Variants in TBPL2 observed in about 807,000 individuals in gnomAD.
TBPL2 encodes the protein TATA-box binding protein like 2.
Under a neutral mutation model 38.2 loss-of-function variants are expected in TBPL2, and 40 were observed. The observed-to-expected ratio is 1.05, with a 90% CI of 0.81 to 1.36. The LOEUF (loss-of-function observed/expected upper bound fraction) is 1.36. Ranked by LOEUF, TBPL2 falls within the 40% of genes most tolerant of loss-of-function variation. The pLI is 0.00. For missense variants in TBPL2, 461 were observed against 456.7 expected (o/e 1.01, Z -0.09); for synonymous variants, 169 against 171.7 (o/e 0.98, Z 0.12).
intron 1 of TBPL2, among the ~76,000 whole-genome samples, chr14:55,439,618 C>CCCCCCCCCCCCCCCCCT (rs1555344751): frequency 1.7e-5 from 1 of 60,240 alleles, no homozygotes; most frequent in Non-Finnish European, 3.2e-5. Flanking sequence ...AAGCAAACCC[C>CCCCCCCCCCCCCCCCCT]CCCCCGTCTC....
chr14:55,437,503 C>T (rs916027044), intron 1 of TBPL2, among the ~76,000 whole-genome samples: 6 of 152,182 alleles, frequency 3.9e-5, no homozygotes, highest in African/African-American at 1.2e-4. Context: ...ACAGTTACAG[C>T]ACACTTAATG....
At chr14:55,433,635 G>T in exon 4 of TBPL2, 3 of 1,613,794 alleles carry the variant, frequency 1.9e-6, no homozygotes, top group Non-Finnish European at 1.7e-6. Flanking sequence ...CATACCTTTT[G>T]GCTCCCGTGC....
Position 55,436,560 on chromosome 14 carries a change from CT to C in TBPL2, c.608del (p.Gln203ArgfsTer3), listed in dbSNP as rs1247343180. 1 of 1,611,946 alleles carries C rather than the reference CT, an allele frequency of 6.2e-7. No individual in the cohort carries two copies. The highest frequency in any genetic ancestry group is 1.3e-5 in the African/African-American group (1 of 74,870). ...CAATTAAAACAAAAATAAAAACTTACTGTAGTTGAGGTACAATTCCACAACA... is the reference window on the plus strand; with the variant it reads ...CAATTAAAACAAAAATAAAAACTTACGTAGTTGAGGTACAATTCCACAACA... On this transcript the variant is annotated frameshift_variant and splice_region_variant, in exon 2 of 7. Coordinates refer to ENST00000247219, the Ensembl canonical transcript of TBPL2. LOFTEE classifies it high-confidence loss of function.
intron 6 of TBPL2, among the ~76,000 whole-genome samples, chr14:55,420,866 T>C (rs1885731529): frequency 6.6e-6 from 1 of 152,058 alleles, no homozygotes. Context: ...GAGACCATCC[T>C]GGCCAACACG....
At chr14:55,419,040 C>A (rs371330531) in intron 6 of TBPL2, among the ~76,000 whole-genome samples, 1 of 152,244 alleles carries the variant, frequency 6.6e-6, no homozygotes, top group East Asian at 1.9e-4. Context: ...CTTTTAGCCA[C>A]TACACCTGCT....
At chr14:55,431,351 G>A (rs1442873788) in intron 4 of TBPL2, among the ~76,000 whole-genome samples, 1 of 152,186 alleles carries the variant, frequency 6.6e-6, no homozygotes, top group African/African-American at 2.4e-5. Flanking sequence ...TGTAATATGT[G>A]TAACATGAGC....
At chr14:55,414,646 A>C (rs947951111) in intron 6 of TBPL2, among the ~76,000 whole-genome samples, 191 bp from the exon 7 acceptor site, 1 of 152,240 alleles carries the variant, frequency 6.6e-6, no homozygotes, top group Non-Finnish European at 1.5e-5. Flanking sequence ...CAGAAACCTT[A>C]GAGCAGAGTT....
At chr14:55,418,389 GT>G (rs1311439089) in intron 6 of TBPL2, among the ~76,000 whole-genome samples, 3 of 152,178 alleles carry the variant, frequency 2.0e-5, no homozygotes, top group Non-Finnish European at 4.4e-5. Context: ...TTCCAGTTCT[GT>G]TCTTACATCA....
At chr14:55,420,511 A>T (rs768802550) in intron 6 of TBPL2, among the ~76,000 whole-genome samples, 1 of 125,026 alleles carries the variant, frequency 8.0e-6, no homozygotes, top group African/African-American at 2.9e-5. Context: ...ACGCCAAGAG[A>T]TGATAATTAT....
intron 2 of TBPL2, among the ~76,000 whole-genome samples, chr14:55,436,141 C>T (rs1886009327): frequency 6.6e-6 from 1 of 152,208 alleles, no homozygotes; most frequent in Admixed American, 6.5e-5. Context: ...AATTTCATGA[C>T]TAGCTGCTAA....
chr14:55,440,553 C>G, exon 1 of TBPL2: 2 of 1,585,122 alleles, frequency 1.3e-6, no homozygotes, highest in Non-Finnish European at 1.7e-6. Context: ...CATTTATGAG[C>G]CTGGGGGCAG....
At chr14:55,416,040 T>A (rs925042909) in intron 6 of TBPL2, among the ~76,000 whole-genome samples, 3 of 152,000 alleles carry the variant, frequency 2.0e-5, no homozygotes, top group Non-Finnish European at 4.4e-5. Flanking sequence ...AAGAGTTAAA[T>A]CCATGGAGAC....
chr14:55,415,113 C>T lies in TBPL2; in HGVS notation c.1052-658G>A, dbSNP rs535156444. 8.5e-5 allele frequency among the ~76,000 whole-genome samples: 13 copies of T among 152,312 alleles called. No individual in the cohort carries two copies. In the South Asian group the frequency reaches 2.7e-3, roughly 32 times the overall value. On this transcript the variant is annotated intron_variant, in intron 6 of 6. Transcript: ENST00000247219. The stretch of plus-strand genomic sequence containing the variant: ...ATCTCTCACCAACAACCAAACACCA[C>T]CATTACCTCCAGCTTCCAAATTATG...
In TBPL2 at chr14:55,423,835, G is replaced by C. The variant is rs1885780362; in HGVS notation, c.1051+324C>G. Among the ~76,000 whole-genome samples, 6 of 152,174 alleles carry C rather than the reference G, an allele frequency of 3.9e-5. No individual in the cohort carries two copies. In the South Asian group the frequency reaches 1.2e-3, roughly 31 times the overall value. On this transcript the variant is annotated intron_variant, in intron 6 of 6. Transcript: ENST00000247219. ...CAGAAAAGAGTTTGTTAACCCCTGT[G>C]TTAGGACCTTGTGTGGCCATTAAAA...
At chr14:55,417,949 C>A (rs1037147528) in intron 6 of TBPL2, among the ~76,000 whole-genome samples, 2 of 152,152 alleles carry the variant, frequency 1.3e-5, no homozygotes, top group African/African-American at 4.8e-5. Flanking sequence ...AATTACTTAA[C>A]CACTTTCAGT....
intron 5 of TBPL2, among the ~76,000 whole-genome samples, chr14:55,427,557 G>T (rs1213433906): frequency 1.3e-5 from 2 of 152,106 alleles, no homozygotes; most frequent in Non-Finnish European, 2.9e-5. Flanking sequence ...TTCAGTTCCA[G>T]CTTGGCCAAG....
chr14:55,426,204 G>A (rs894060202), intron 5 of TBPL2, among the ~76,000 whole-genome samples: 1 of 151,508 alleles, frequency 6.6e-6, no homozygotes, highest in Admixed American at 6.6e-5. Context: ...GGGGGTGGAG[G>A]TTGCAGTGAG....
chr14:55,431,605 G>A (rs1243286405), intron 4 of TBPL2, among the ~76,000 whole-genome samples: 1 of 152,180 alleles, frequency 6.6e-6, no homozygotes, highest in Non-Finnish European at 1.5e-5. Flanking sequence ...TTAAAATGGA[G>A]ATTCCTGGGA....
Position 55,440,390 on chromosome 14 carries a change from C to A in TBPL2, c.150+6G>T. 1.2e-6 allele frequency: 2 copies of A among 1,613,002 alleles called. No individual in the cohort carries two copies. The highest frequency in any genetic ancestry group is 1.7e-6 in the Non-Finnish European group (2 of 1,179,994). ...CCTGACTCTGGGACAGTGGCGGCAG[C>A]CTCACCTGAGCGGCGCACTGGTCCA... On this transcript the variant is annotated splice_donor_region_variant and intron_variant, in intron 1 of 6. Transcript: ENST00000247219.
Sources: gnomAD v4.1 joint callset for allele counts (sites outside exome capture counted in the v4.1 genomes callset) on GRCh38, gnomAD v4.1.1 for gene constraint, MANE v1.5 for transcripts, NCBI Gene and HGNC (gene_info 2026-07-23, HGNC 2026-07-21) for gene names.